The following CNTLN variants were observed in gnomAD, a reference collection of about 807,000 sequenced individuals.
The protein encoded by CNTLN is centlein, centrosomal protein.
A neutral mutation model predicts 180.0 loss-of-function variants in CNTLN; 212 were observed. That is an observed-to-expected ratio of 1.18 (90% CI 1.05 to 1.32). The LOEUF (loss-of-function observed/expected upper bound fraction) is 1.32, where lower values mean the gene tolerates loss of function less well. Ranked by LOEUF, CNTLN falls within the 40% of genes most tolerant of loss-of-function variation. CNTLN has a pLI of 0.00. For synonymous variants in CNTLN, 722 were observed against 563.1 expected, an observed-to-expected ratio of 1.28 and a Z score of -3.99; for missense variants, 2,095 against 1,610.9, an observed-to-expected ratio of 1.30 and a Z score of -5.14.
At chr9:17,342,619 A>C (rs1403390975) in intron 12 of CNTLN, among the ~76,000 whole-genome samples, 175 bp downstream of exon 12, 1 of 152,242 alleles carries the variant, frequency 6.6e-6, no homozygotes, top group East Asian at 1.9e-4. Context: ...TTATGCAATA[A>C]CAAGTTGCAC....
At chr9:17,235,915 A>G in intron 4 of CNTLN, 123 bp downstream of exon 4, 1 of 888,908 alleles carries the variant, frequency 1.1e-6, no homozygotes, top group South Asian at 2.3e-5. Context: ...GCCCTCCTGT[A>G]CCATACAGTT....
intron 23 of CNTLN, among the ~76,000 whole-genome samples, chr9:17,478,031 T>C (rs1832445446): frequency 6.6e-6 from 1 of 152,230 alleles, no homozygotes; most frequent in Non-Finnish European, 1.5e-5. Flanking sequence ...CCCTAATTTG[T>C]CAGCAGTTAT....
intron 5 of CNTLN, among the ~76,000 whole-genome samples, chr9:17,267,743 T>C (rs532818097): frequency 2.6e-5 from 4 of 152,316 alleles, no homozygotes; most frequent in South Asian, 2.1e-4. Context: ...CGTTTCTTTT[T>C]ATTCTTTTTT....
intron 5 of CNTLN, among the ~76,000 whole-genome samples, chr9:17,255,375 G>T (rs956783252): frequency 6.6e-6 from 1 of 151,660 alleles, no homozygotes; most frequent in African/African-American, 2.4e-5. Context: ...TTCCTAGTTG[G>T]TGGGTGTTCT....
At chr9:17,308,716 C>T (rs1172056514) in intron 7 of CNTLN, among the ~76,000 whole-genome samples, 1 of 151,340 alleles carries the variant, frequency 6.6e-6, no homozygotes. Flanking sequence ...TTCATAATTC[C>T]CTCCATGATT....
intron 2 of CNTLN, among the ~76,000 whole-genome samples, chr9:17,205,610 G>T (rs1462136898): frequency 6.6e-6 from 1 of 152,172 alleles, no homozygotes; most frequent in African/African-American, 2.4e-5. Context: ...ACTAGTAGTG[G>T]TCCTCTGAGC....
chr9:17,354,734 AAG>A (rs1822682455), intron 12 of CNTLN, among the ~76,000 whole-genome samples: 3 of 152,120 alleles, frequency 2.0e-5, no homozygotes, highest in Non-Finnish European at 4.4e-5. Flanking sequence ...GGGGCCAGAT[AAG>A]AGAATAAAAG....
chr9:17,237,006 C>T (rs1372534116), intron 5 of CNTLN, among the ~76,000 whole-genome samples: 4 of 151,848 alleles, frequency 2.6e-5, no homozygotes, highest in African/African-American at 9.7e-5. Context: ...AATACAAATA[C>T]GTGGTTCTAT....
chr9:17,481,096 G>T (rs1012168603), intron 23 of CNTLN, among the ~76,000 whole-genome samples: 19 of 152,002 alleles, frequency 1.2e-4, no homozygotes, highest in Non-Finnish European at 2.6e-4. Context: ...GCAGGGAGCC[G>T]CACCACAGTC....
intron 6 of CNTLN, among the ~76,000 whole-genome samples, chr9:17,291,200 A>T (rs1287239405): frequency 6.6e-6 from 1 of 152,150 alleles, no homozygotes; most frequent in Non-Finnish European, 1.5e-5. Flanking sequence ...GTATTTGCTG[A>T]GGAGTGTTTT....
intron 2 of CNTLN, among the ~76,000 whole-genome samples, chr9:17,199,092 G>A (rs11560447): frequency 0.14 from 21,026 of 151,852 alleles, 1,644 homozygotes; most frequent in African/African-American, 0.21. Context: ...CTAGATCTAT[G>A]AGGAATTGCC....
rs1281669335 is a variant in CNTLN, at chr9:17,467,227, A to C, written c.3855+336A>C. 2.0e-5 allele frequency among the ~76,000 whole-genome samples: 3 copies of C among 151,602 alleles called. No homozygotes were observed. The South Asian group carries it at 6.2e-4, about 31-fold the overall frequency. On this transcript the variant is annotated intron_variant, in intron 23 of 25. Transcript: ENST00000380647. The stretch of plus-strand genomic sequence containing the variant: ...TTTTGAAAATCGTTCAAGCAGGAAC[A>C]ACCAGAAACTTGCTCAGTGTTCAGT...
intron 2 of CNTLN, among the ~76,000 whole-genome samples, chr9:17,179,034 G>A (rs556833855): frequency 2.7e-5 from 4 of 146,446 alleles, no homozygotes; most frequent in South Asian, 4.2e-4. Flanking sequence ...CACGAGGTCA[G>A]GAGATCGAGA....
At chr9:17,225,500 C>A (rs1000177394) in intron 2 of CNTLN, among the ~76,000 whole-genome samples, 6 of 152,014 alleles carry the variant, frequency 3.9e-5, no homozygotes, top group South Asian at 2.1e-4. Context: ...AAATGTAAAT[C>A]AGTGTCCAAT....
chr9:17,261,430 G>A lies in CNTLN; in HGVS notation c.850-12303G>A, dbSNP rs928023897. Among the ~76,000 whole-genome samples the A allele has an allele frequency of 1.2e-4, 18 of 151,240 alleles. 1 individual carries two copies. The highest frequency in any genetic ancestry group is 4.2e-4 in the African/African-American group (17 of 40,788). ...ACTCCTGGGTATTTTGTTATTTTTT[G>A]TGGCTATTGTAAATGGGATTGTGTT... On this transcript the variant is annotated intron_variant, in intron 5 of 25. Transcript: ENST00000380647.
intron 2 of CNTLN, among the ~76,000 whole-genome samples, chr9:17,212,713 T>G (rs1315614923): frequency 6.6e-6 from 1 of 152,218 alleles, no homozygotes; most frequent in African/African-American, 2.4e-5. Flanking sequence ...AGGCTATTAA[T>G]TATTGCCTCA....
At chr9:17,351,681 C>G (rs375163632) in intron 12 of CNTLN, among the ~76,000 whole-genome samples, 5 of 152,130 alleles carry the variant, frequency 3.3e-5, no homozygotes, top group Non-Finnish European at 7.4e-5. Flanking sequence ...ACCACCATTT[C>G]TTCCCTAGTC....
chr9:17,314,347 A>G (rs1819404897), intron 8 of CNTLN, among the ~76,000 whole-genome samples: 3 of 152,168 alleles, frequency 2.0e-5, no homozygotes. Flanking sequence ...TATATGTTAT[A>G]GAGACTCTGG....
At chr9:17,368,789 G>C (rs1211619134) in intron 13 of CNTLN, among the ~76,000 whole-genome samples, 2 of 152,152 alleles carry the variant, frequency 1.3e-5, no homozygotes, top group Non-Finnish European at 2.9e-5. Context: ...AGTCTTACTG[G>C]ACTTGGGGTG....
Sources: allele counts gnomAD v4.1 joint callset (sites outside exome capture counted in the v4.1 genomes callset), GRCh38; gene constraint gnomAD v4.1.1; transcripts MANE v1.5; gene names NCBI Gene and HGNC (gene_info 2026-07-23, HGNC 2026-07-21).